The following UBASH3A variants were observed in gnomAD, a reference collection of about 807,000 sequenced individuals.
UBASH3A encodes the protein ubiquitin associated and SH3 domain containing A.
In UBASH3A, 63 loss-of-function variants were observed where a neutral mutation model predicts 73.5. The observed-to-expected ratio is 0.86, with a 90% CI of 0.70 to 1.06. The LOEUF (loss-of-function observed/expected upper bound fraction) is 1.06. Ranked by LOEUF, UBASH3A falls within the 50% of genes least tolerant of loss-of-function variation. The pLI, the probability that UBASH3A is intolerant of heterozygous loss-of-function variation, is 0.00. For synonymous variants in UBASH3A, 363 were observed against 351.1 expected, an observed-to-expected ratio of 1.03 and a Z score of -0.38; for missense variants, 860 against 859.0, an observed-to-expected ratio of 1.00 and a Z score of -0.02.
intron 2 of UBASH3A, among the ~76,000 whole-genome samples, chr21:42,408,664 G>A (rs893818163): frequency 3.9e-5 from 6 of 151,964 alleles, no homozygotes; most frequent in African/African-American, 7.3e-5. Context: ...ATGCCGTCTC[G>A]GAGCTATTTT....
intron 5 of UBASH3A, among the ~76,000 whole-genome samples, chr21:42,414,344 G>C (rs1055692770): frequency 6.6e-6 from 1 of 152,166 alleles, no homozygotes; most frequent in African/African-American, 2.4e-5. Flanking sequence ...AGTCGCCCCC[G>C]GTCTTTGTGG....
chr21:42,413,049 T>C lies in UBASH3A; in HGVS notation c.380T>C (p.Leu127Pro), dbSNP rs2053131997. The change falls in exon 4 of 15, where the codon CTG (leucine) becomes CCG (proline). Residue 127 changes from leucine to proline, a missense_variant. Physicochemically the swap from Leu to Pro is moderately conservative, Grantham distance 98. Transcript: ENST00000319294. The surrounding 1 kb of genome is among the most constrained non-coding windows in gnomAD (Gnocchi z 4.5). ...TGTGAAGACCAGAAGGTGGAATGCC[T>C]GTACGAGGCGCTGAAGAGAGCTGGA... The part of the protein sequence containing the change: ...FTCEDQKVEC[L>P]YEALKRAGDR... 1 of 1,614,110 alleles carries C rather than the reference T, an allele frequency of 6.2e-7. No homozygotes were observed. Among genetic ancestry groups the C allele is most frequent in the African/African-American group, 1.3e-5 (1 of 74,938 alleles).
chr21:42,436,176 T>C (rs2053625580), intron 10 of UBASH3A, among the ~76,000 whole-genome samples: 1 of 151,676 alleles, frequency 6.6e-6, no homozygotes, highest in Non-Finnish European at 1.5e-5. Flanking sequence ...CATAGAGTTA[T>C]AGAGTTAGTT....
rs200787839 is a variant in UBASH3A, at chr21:42,404,046, C to T, written c.101C>T (p.Pro34Leu). The T allele has an allele frequency of 4.9e-5, 74 of 1,518,704 alleles. No homozygotes were observed. Among genetic ancestry groups the T allele is most frequent in the South Asian group, 1.5e-4 (12 of 80,090 alleles). 94.1% of individuals were successfully genotyped at this position (1,518,704 alleles called of 1,614,324 possible). The change falls in exon 1 of 15, where the codon CCG becomes CTG. Residue 34 changes from proline to leucine, a missense_variant. By Grantham distance (98) the Pro-to-Leu change is moderately conservative. Coordinates refer to ENST00000319294, the MANE Select transcript of UBASH3A (RefSeq NM_018961.4). ...GAGCCCCTCCTGGCCATGGGCTTCCCGGTGCACACCGCGTGAGTACTGCCC... is the reference window on the plus strand; with the variant it reads ...GAGCCCCTCCTGGCCATGGGCTTCCTGGTGCACACCGCGTGAGTACTGCCC... ...LLEPLLAMGF[P>L]VHTALKALAA...
Position 42,447,383 on chromosome 21 carries a change from C to G in UBASH3A, c.*189C>G. The G allele has an allele frequency of 1.7e-6, 1 of 598,230 alleles. No homozygotes were observed. The highest frequency in any genetic ancestry group is 1.9e-5 in the African/African-American group (1 of 52,930). The allele number at this position is 598,230 out of a possible 1,614,324, so 37.1% of individuals were successfully genotyped here. A position where few individuals can be genotyped will look rare whatever the true frequency, so the allele number is the denominator to read the frequency against. On this transcript the variant is annotated 3_prime_UTR_variant, in exon 15 of 15. Transcript: ENST00000319294. ...CCTTTGTAACTCCCATCTGTGGACCCATCGTCCACCAGCCCAGCTGCGGGG... is the reference window on the plus strand; with the variant it reads ...CCTTTGTAACTCCCATCTGTGGACCGATCGTCCACCAGCCCAGCTGCGGGG...
intron 7 of UBASH3A, among the ~76,000 whole-genome samples, chr21:42,425,857 T>C (rs946709624): frequency 6.6e-6 from 1 of 152,138 alleles, no homozygotes; most frequent in Admixed American, 6.5e-5. Flanking sequence ...AAACATGCCC[T>C]GTGCATGGCT....
chr21:42,435,904 G>A (rs1568934884), intron 10 of UBASH3A, among the ~76,000 whole-genome samples: 1 of 150,306 alleles, frequency 6.7e-6, no homozygotes, highest in African/African-American at 2.5e-5. Context: ...GAGTTATAGA[G>A]TTATGGAGCC....
intron 8 of UBASH3A, among the ~76,000 whole-genome samples, chr21:42,427,972 G>A (rs984334613): frequency 1.3e-5 from 2 of 152,176 alleles, no homozygotes; most frequent in African/African-American, 4.8e-5. Flanking sequence ...TTGTAGACAA[G>A]GCCTTTAAAG....
intron 3 of UBASH3A, among the ~76,000 whole-genome samples, chr21:42,410,834 GAC>G (rs1281202148): frequency 6.6e-6 from 1 of 150,764 alleles, no homozygotes; most frequent in Non-Finnish European, 1.5e-5. Context: ...CACACACATA[GAC>G]ACACACAGAT....
intron 11 of UBASH3A, among the ~76,000 whole-genome samples, chr21:42,437,989 G>A (rs575963058): frequency 5.3e-5 from 8 of 152,314 alleles, no homozygotes; most frequent in African/African-American, 1.2e-4. Flanking sequence ...GCTGTCCAGC[G>A]TCCTCAAGGG....
chr21:42,438,225 G>A (rs920921049), intron 11 of UBASH3A, among the ~76,000 whole-genome samples: 20 of 152,292 alleles, frequency 1.3e-4, no homozygotes, highest in Admixed American at 3.3e-4. Context: ...AGAGCATGTC[G>A]CCTCCATGGT....
intron 14 of UBASH3A, among the ~76,000 whole-genome samples, 169 bp from the exon 15 acceptor site, chr21:42,446,888 C>T (rs1601611295): frequency 1.3e-5 from 2 of 152,212 alleles, no homozygotes. Flanking sequence ...ACATCCCCCA[C>T]GGGGCACCGC....
intron 7 of UBASH3A, among the ~76,000 whole-genome samples, chr21:42,423,863 C>G (rs1161845482): frequency 6.6e-6 from 1 of 152,128 alleles, no homozygotes; most frequent in Non-Finnish European, 1.5e-5. Context: ...GAAGCACCCT[C>G]ATTGTGGCTG....
chr21:42,405,989 G>C lies in UBASH3A; in HGVS notation c.114-319G>C, dbSNP rs969264073. ...GTCCATTTGATCTAGGCAGTGGGGG[G>C]GGGGGGGGCAGGCCAGGGAGAGGGA... On this transcript the variant is annotated intron_variant, in intron 1 of 14. Coordinates refer to ENST00000319294, the MANE Select transcript of UBASH3A (RefSeq NM_018961.4). 6.6e-4 allele frequency among the ~76,000 whole-genome samples: 99 copies of C among 149,552 alleles called. 3 individuals carry two copies. The highest frequency in any genetic ancestry group is 5.7e-3 in the East Asian group (29 of 5,088).
intron 11 of UBASH3A, among the ~76,000 whole-genome samples, chr21:42,437,781 G>A (rs778386527): frequency 7.2e-5 from 11 of 152,226 alleles, no homozygotes; most frequent in East Asian, 3.8e-4. Flanking sequence ...TACCAGGACC[G>A]TCAGACCAGT....
chr21:42,443,568 A>ACTG (rs756460328), intron 13 of UBASH3A, 150 bp downstream of exon 13: 93 of 655,412 alleles, frequency 1.4e-4, no homozygotes, highest in Middle Eastern at 4.1e-4. Context: ...AGTTTTCATC[A>ACTG]CTGCTGCTGC....
chr21:42,431,433 T>C (rs925123452), intron 8 of UBASH3A, among the ~76,000 whole-genome samples: 2 of 152,260 alleles, frequency 1.3e-5, no homozygotes, highest in African/African-American at 4.8e-5. Context: ...GCCAGAGAGC[T>C]GCTGTCCCTG....
intron 1 of UBASH3A, among the ~76,000 whole-genome samples, chr21:42,404,383 GAT>G (rs2052926529): frequency 7.1e-6 from 1 of 139,946 alleles, no homozygotes; most frequent in South Asian, 2.4e-4. Context: ...AATATTATGA[GAT>G]TTTTTTTTTA....
chr21:42,411,397 C>T (rs2053092191), intron 3 of UBASH3A, among the ~76,000 whole-genome samples: 1 of 151,744 alleles, frequency 6.6e-6, no homozygotes, highest in Non-Finnish European at 1.5e-5. Context: ...TGCACAAACA[C>T]AGACATGCAC....
Sources: allele counts gnomAD v4.1 joint callset (sites outside exome capture counted in the v4.1 genomes callset), GRCh38; gene constraint gnomAD v4.1.1; non-coding constraint Gnocchi (gnomAD v3.1); transcripts MANE v1.5; gene names NCBI Gene and HGNC (gene_info 2026-07-23, HGNC 2026-07-21).